Variants in NAV2 observed in about 807,000 individuals in gnomAD.
NAV2 encodes the protein neuron navigator 2.
A neutral mutation model predicts 223.2 loss-of-function variants in NAV2; 54 were observed. The observed-to-expected ratio is 0.24, with a 90% CI of 0.19 to 0.30. NAV2 has a LOEUF of 0.30. Ranked by LOEUF, NAV2 falls within the 10% of genes least tolerant of loss-of-function variation. The pLI is 1.00. For synonymous variants in NAV2, 1,279 were observed against 1,239.3 expected, an observed-to-expected ratio of 1.03 and a Z score of -0.67; for missense variants, 2,806 against 3,147.5, an observed-to-expected ratio of 0.89 and a Z score of 2.60.
chr11:19,442,966 G>A (rs192277101), intron 1 of NAV2, among the ~76,000 whole-genome samples: 24 of 152,202 alleles, frequency 1.6e-4, no homozygotes, highest in Admixed American at 4.6e-4. Context: ...ATGCAGTCCC[G>A]CCCAAAGAGG....
chr11:19,810,372 C>G (rs1485713282), intron 1 of NAV2, among the ~76,000 whole-genome samples: 1 of 152,108 alleles, frequency 6.6e-6, no homozygotes, highest in African/African-American at 2.4e-5. Flanking sequence ...AATCATTTCT[C>G]CAAGGATCCC....
intron 11 of NAV2, among the ~76,000 whole-genome samples, chr11:19,988,011 G>C (rs1312154364): frequency 6.6e-6 from 1 of 152,218 alleles, no homozygotes; most frequent in Non-Finnish European, 1.5e-5. Flanking sequence ...ACAGTCAAAT[G>C]GCTCATTGAA....
chr11:19,399,193 C>T (rs1221083297), intron 1 of NAV2, among the ~76,000 whole-genome samples: 1 of 152,116 alleles, frequency 6.6e-6, no homozygotes, highest in African/African-American at 2.4e-5. Context: ...GTTCTGTGTT[C>T]CCCTGTGTCT....
At chr11:20,035,847 T>C (rs1591769276) in intron 11 of NAV2, 112 bp from the exon 12 acceptor site, 7 of 1,268,660 alleles carry the variant, frequency 5.5e-6, no homozygotes, top group Non-Finnish European at 7.7e-6. Flanking sequence ...TGTCCGGGGC[T>C]TCATGGCACA....
At position 19,834,144 on chromosome 11, in the gene NAV2, G is replaced by A. The variant is rs188859315; in HGVS notation, c.385+1543G>A. Among the ~76,000 whole-genome samples, 593 of 152,326 alleles carry A rather than the reference G, an allele frequency of 3.9e-3. 3 individuals carry two copies. Among genetic ancestry groups the A allele is most frequent in the African/African-American group, 0.014 (570 of 41,570 alleles). On this transcript the variant is annotated intron_variant, in intron 2 of 37. Transcript: ENST00000349880. ...AGGCATCATTAGGGGTCGCTGTAAA[G>A]TCTGTCTGCCACATTCCTTTTTCCA...
chr11:19,553,390 T>C (rs1468767380), intron 1 of NAV2, among the ~76,000 whole-genome samples: 1 of 152,198 alleles, frequency 6.6e-6, no homozygotes, highest in Admixed American at 6.5e-5. Flanking sequence ...TCCCAGCTCA[T>C]TTTGGAAGGA....
intron 9 of NAV2, among the ~76,000 whole-genome samples, chr11:19,947,463 ACT>A (rs2047024723): frequency 1.3e-5 from 2 of 152,130 alleles, no homozygotes; most frequent in African/African-American, 4.8e-5. Context: ...GGATCTTGTG[ACT>A]CTACCATTAG....
intron 7 of NAV2, among the ~76,000 whole-genome samples, chr11:19,938,164 T>C (rs1005909943): frequency 6.6e-6 from 1 of 152,178 alleles, no homozygotes; most frequent in Non-Finnish European, 1.5e-5. Flanking sequence ...AAAGGAAGAA[T>C]GTGGCCATCA....
chr11:19,553,645 TG>T (rs2134680438), intron 1 of NAV2, among the ~76,000 whole-genome samples: 1 of 152,362 alleles, frequency 6.6e-6, no homozygotes, highest in African/African-American at 2.4e-5. Context: ...TCTTCACCTC[TG>T]GGAAGGATTG....
intron 10 of NAV2, among the ~76,000 whole-genome samples, chr11:19,963,895 TG>T: frequency 6.6e-6 from 1 of 152,298 alleles, no homozygotes; most frequent in Middle Eastern, 3.4e-3. Flanking sequence ...TACCGCGATG[TG>T]GCTTCCTGTT....
chr11:19,495,510 C>T (rs781377944), intron 1 of NAV2, among the ~76,000 whole-genome samples: 2 of 152,186 alleles, frequency 1.3e-5, no homozygotes, highest in Non-Finnish European at 2.9e-5. Context: ...AATACATTGC[C>T]TAACACCTCT....
At chr11:19,485,048 C>T (rs1441607097) in intron 1 of NAV2, among the ~76,000 whole-genome samples, 1 of 151,868 alleles carries the variant, frequency 6.6e-6, no homozygotes, top group African/African-American at 2.4e-5. Flanking sequence ...GCCCAGAGGC[C>T]CAGGCTACAG....
At chr11:19,648,598 G>A (rs1237488813) in intron 1 of NAV2, among the ~76,000 whole-genome samples, 1 of 152,178 alleles carries the variant, frequency 6.6e-6, no homozygotes, top group African/African-American at 2.4e-5. Context: ...TGCTGGCCTT[G>A]GTTCCACCGT....
At chr11:19,837,354 A>T (rs936358138) in intron 2 of NAV2, among the ~76,000 whole-genome samples, 5 of 152,232 alleles carry the variant, frequency 3.3e-5, no homozygotes, top group Admixed American at 6.5e-5. Flanking sequence ...TTAAGGCAAG[A>T]ATCATCAACG....
rs1320015028 is a variant in NAV2 at position 19,828,154 on chromosome 11, T to C, written c.268-4330T>C. ...GGGAGACAGAGTGAGACCTTGACTCTTAAAAACAATTTTTTAAGGGGGGGA... is the reference window on the plus strand; with the variant it reads ...GGGAGACAGAGTGAGACCTTGACTCCTAAAAACAATTTTTTAAGGGGGGGA... On this transcript the variant is annotated intron_variant, in intron 1 of 37. Coordinates refer to ENST00000349880, the MANE Select transcript of NAV2 (RefSeq NM_145117.5). Among the ~76,000 whole-genome samples the C allele has an allele frequency of 2.6e-5, 4 of 152,336 alleles. No homozygotes were observed. In the East Asian group the frequency reaches 7.7e-4, roughly 29 times the overall value.
rs187772477 is a variant in NAV2 at position 20,093,601 on chromosome 11, A to G, written c.5916+402A>G. ...GCAGCCGACCAAGAGCACCAGTTTT[A>G]TCGGTCATCAGTCACCAAGAGTACA... On this transcript the variant is annotated intron_variant, in intron 29 of 37. Coordinates refer to ENST00000349880, the MANE Select transcript of NAV2 (RefSeq NM_145117.5). Among the ~76,000 whole-genome samples the G allele has an allele frequency of 3.4e-3, 511 of 152,324 alleles. 1 individual carries two copies. The highest frequency in any genetic ancestry group is 4.7e-3 in the Non-Finnish European group (317 of 68,026).
intron 24 of NAV2, among the ~76,000 whole-genome samples, chr11:20,079,090 G>T (rs1729775781): frequency 6.6e-6 from 1 of 152,086 alleles, no homozygotes; most frequent in Admixed American, 6.5e-5. Flanking sequence ...GCCCAGGCTG[G>T]AGTGCACTGG....
chr11:19,594,737 C>T (rs1006983566), intron 1 of NAV2, among the ~76,000 whole-genome samples: 45 of 152,272 alleles, frequency 3.0e-4, no homozygotes, highest in African/African-American at 9.1e-4. Flanking sequence ...CAGAGTGGAA[C>T]TCTTTCCTTT....
chr11:20,007,194 G>A (rs1301251955), intron 11 of NAV2, among the ~76,000 whole-genome samples: 1 of 152,054 alleles, frequency 6.6e-6, no homozygotes, highest in African/African-American at 2.4e-5. Flanking sequence ...TGGACTCCAC[G>A]GCTTTGGCCC....
Sources: allele counts gnomAD v4.1 joint callset (sites outside exome capture counted in the v4.1 genomes callset), GRCh38; gene constraint gnomAD v4.1.1; transcripts MANE v1.5; gene names NCBI Gene and HGNC (gene_info 2026-07-23, HGNC 2026-07-21).